Variants in APOBR observed in about 807,000 individuals in gnomAD.
APOBR encodes apoB-48R.
Under a neutral mutation model 88.5 loss-of-function variants are expected in APOBR, and 57 were observed. The ratio of observed to expected loss-of-function variants is 0.64; its 90% CI spans 0.52 to 0.80. APOBR has a LOEUF of 0.80. Among genes scored for constraint, APOBR ranks in the 30% least tolerant of loss-of-function variants. APOBR has a pLI of 0.00. For synonymous variants in APOBR, 588 were observed against 572.7 expected, an observed-to-expected ratio of 1.03 and a Z score of -0.38; for missense variants, 1,443 against 1,401.6, an observed-to-expected ratio of 1.03 and a Z score of -0.47.
In APOBR at chr16:28,495,301, A is replaced by G. The variant is rs369337303; in HGVS notation, c.260A>G (p.Asp87Gly). Residue 87 changes from aspartate (D) to glycine (G), a missense_variant, in exon 2 of 4, where the codon GAC (aspartate) becomes GGC (glycine). Physicochemically the swap from Asp to Gly is moderately conservative, Grantham distance 94. Coordinates refer to ENST00000564831, the MANE Select transcript of APOBR (RefSeq NM_018690.4). The part of the protein sequence containing the change: ...GAGRLRGPGD[D>G]RRHEVGSSAV... ...GGAAGGCTGAGAGGGCCTGGAGATG[A>G]CAGAAGACATGAAGTGGGGAGCTCA... 1 of 1,538,438 alleles carries G rather than the reference A, an allele frequency of 6.5e-7. No homozygotes were observed. The highest frequency in any genetic ancestry group is 8.7e-7 in the Non-Finnish European group (1 of 1,143,072).
At position 28,496,038 on chromosome 16, in the gene APOBR, G is replaced by GGA; in HGVS notation, c.999_1000dup (p.Gly334GlufsTer7). 1 of 1,581,330 alleles carries GGA rather than the reference G, an allele frequency of 6.3e-7. No individual in the cohort carries two copies. The highest frequency in any genetic ancestry group is 1.7e-5 in the Admixed American group (1 of 57,590). On this transcript the variant is annotated frameshift_variant, in exon 2 of 4. Transcript: ENST00000564831. LOFTEE classifies it high-confidence loss of function. ...CGGGGAGGAGGCCGGGACAGCCTCGGGAGGGGAGGAGGCCGGGATAGCCTC... is the reference window on the plus strand; with the variant it reads ...CGGGGAGGAGGCCGGGACAGCCTCGGGAGAGGGGAGGAGGCCGGGATAGCCTC...
In APOBR at chr16:28,495,454, C is replaced by A; in HGVS notation, c.413C>A (p.Ala138Asp). 6.4e-7 allele frequency: 1 copy of A among 1,561,202 alleles called. No individual in the cohort carries two copies. Among genetic ancestry groups the A allele is most frequent in the East Asian group, 2.4e-5 (1 of 41,660 alleles). The change falls in exon 2 of 4, where the codon GCC (alanine) becomes GAC (aspartate). Residue 138 changes from alanine (A) to aspartate (D), a missense_variant. By Grantham distance (126) the Ala-to-Asp change is moderately radical. Coordinates refer to ENST00000564831, the MANE Select transcript of APOBR (RefSeq NM_018690.4). Reference sequence around the variant, plus strand: ...CAGGAGCCAAGCGCCCACTTGGAGGCCAGAAAGAAATCCAAGGCAGGGTCT... The same window carrying A: ...CAGGAGCCAAGCGCCCACTTGGAGGACAGAAAGAAATCCAAGGCAGGGTCT... Reference protein sequence around the residue: ...RCQEPSAHLEARKKSKAGSGA... With the variant: ...RCQEPSAHLEDRKKSKAGSGA...
In APOBR at chr16:28,497,208, A is replaced by G; in HGVS notation, c.2167A>G (p.Arg723Gly). Reference sequence around the variant, plus strand: ...CCCGTCACTGGGAGAGGCCTATGCCAGAGAAACTGAGGATGAGGAGGCGGA... The same window carrying G: ...CCCGTCACTGGGAGAGGCCTATGCCGGAGAAACTGAGGATGAGGAGGCGGA... ...PCPSLGEAYA[R>G]ETEDEEAEAD... Residue 723 changes from arginine (R) to glycine (G), a missense_variant, in exon 2 of 4, where the codon AGA becomes GGA. Arg to Gly is a moderately radical substitution (Grantham distance 125). Coordinates refer to ENST00000564831, the MANE Select transcript of APOBR (RefSeq NM_018690.4). 4 of 1,595,246 alleles carry G rather than the reference A, an allele frequency of 2.5e-6. No individual in the cohort carries two copies. The highest frequency in any genetic ancestry group is 1.8e-5 in the Admixed American group (1 of 55,974).
chr16:28,496,106 G>A lies in APOBR; in HGVS notation c.1065G>A (p.Gly355=), dbSNP rs1265095363. Residue 355 remains glycine (G), a synonymous_variant, in exon 2 of 4, where the codon GGG becomes GGA. Transcript: ENST00000564831. The stretch of plus-strand genomic sequence containing the variant: ...CAGCCTCAGGAGGGGAGGAGGCCGG[G>A]ACAGCCTCAGGAGGGGAGGAGGCCG... ...AGTASGGEEA[G]TASGGEEAGT... is the part of the protein sequence containing the mutation. 1.3e-6 allele frequency: 2 copies of A among 1,518,582 alleles called. No homozygotes were observed. Among genetic ancestry groups the A allele is most frequent in the Non-Finnish European group, 1.8e-6 (2 of 1,133,146 alleles). The allele number at this position is 1,518,582 out of a possible 1,614,324, so 94.1% of individuals were successfully genotyped here.
Position 28,497,906 on chromosome 16 carries a change from T to C in APOBR, c.2865T>C (p.Pro955=). The C allele has an allele frequency of 6.2e-7, 1 of 1,613,404 alleles. No individual in the cohort carries two copies. Among genetic ancestry groups the C allele is most frequent in the Non-Finnish European group, 8.5e-7 (1 of 1,179,714 alleles). The stretch of plus-strand genomic sequence containing the variant: ...AGGAGCAGCCAACACACCAGGCCCC[T>C]GCAGAAGCTGCGCCGGAGTCAGTCG... ...GQEEQPTHQA[P]AEAAPESVGE... is the part of the protein sequence containing the mutation. The change falls in exon 2 of 4, where the codon CCT becomes CCC. Residue 955 remains proline, a synonymous_variant. Transcript: ENST00000564831.
rs778028761 is a variant in APOBR at position 28,495,079 on chromosome 16, C to T, written c.58-20C>T. The T allele has an allele frequency of 1.3e-5, 19 of 1,482,858 alleles. No homozygotes were observed. Among genetic ancestry groups the T allele is most frequent in the Non-Finnish European group, 1.7e-5 (19 of 1,116,820 alleles). 91.9% of individuals were successfully genotyped at this position (1,482,858 alleles called of 1,614,324 possible). A position where few individuals can be genotyped will look rare whatever the true frequency, so the allele number is the denominator to read the frequency against. ...GGACTCTCCTCAATGACTCTCCCCT[C>T]TCTCTCTCTTTTTTCCTAGGATTCC... On this transcript the variant is annotated intron_variant, in intron 1 of 3. Coordinates refer to ENST00000564831, the MANE Select transcript of APOBR (RefSeq NM_018690.4).
At position 28,496,868 on chromosome 16, in the gene APOBR, G is replaced by C. The variant is rs753512570; in HGVS notation, c.1827G>C (p.Ala609=). The part of the protein sequence containing the change: ...ERSLEAGPRH[A]GSVKPEASEA... The stretch of plus-strand genomic sequence containing the variant: ...GCCTGGAGGCAGGTCCCAGGCACGC[G>C]GGGTCTGTAAAGCCTGAGGCCTCCG... The change falls in exon 2 of 4, where the codon GCG becomes GCC. Residue 609 remains alanine (A), a synonymous_variant. Coordinates refer to ENST00000564831, the MANE Select transcript of APOBR (RefSeq NM_018690.4). 10 of 1,559,922 alleles carry C rather than the reference G, an allele frequency of 6.4e-6. No homozygotes were observed. The highest frequency in any genetic ancestry group is 8.7e-6 in the Non-Finnish European group (10 of 1,151,914).
In APOBR at chr16:28,494,728, G is replaced by A. The variant is rs528796656; in HGVS notation, c.47G>A (p.Arg16Lys). ...CTCCCTGGGCTGCACCAGGCCTTGA[G>A]GGGGGCACTGGTGAGAAGGGCAGAC... is the stretch of plus-strand genomic sequence containing the variant. ...LYLPGLHQAL[R>K]GALDSLGTFV... The change falls in exon 1 of 4, where the codon AGG (arginine) becomes AAG (lysine). Residue 16 changes from arginine to lysine, a missense_variant. By Grantham distance (26) the Arg-to-Lys change is conservative. Transcript: ENST00000564831. 3.7e-5 allele frequency: 59 copies of A among 1,611,092 alleles called. 1 individual carries two copies. In the Admixed American group the frequency reaches 9.9e-4, roughly 27 times the overall value.
chr16:28,496,540 G>A lies in APOBR; in HGVS notation c.1499G>A (p.Ser500Asn), dbSNP rs1432602273. Residue 500 changes from serine to asparagine, a missense_variant, in exon 2 of 4, where the codon AGC becomes AAC. Coordinates refer to ENST00000564831, the MANE Select transcript of APOBR (RefSeq NM_018690.4). The part of the protein sequence containing the change: ...QAEEAQEERG[S>N]SRDPVAELPS... Reference sequence around the variant, plus strand: ...GAGGAGGCCCAGGAGGAGAGAGGGAGCAGCAGGGATCCAGTGGCTGAGCTG... The same window carrying A: ...GAGGAGGCCCAGGAGGAGAGAGGGAACAGCAGGGATCCAGTGGCTGAGCTG... The A allele has an allele frequency of 1.3e-6, 2 of 1,569,682 alleles. No individual in the cohort carries two copies. The highest frequency in any genetic ancestry group is 1.4e-5 in the African/African-American group (1 of 73,632).
Position 28,495,638 on chromosome 16 carries a change from G to C in APOBR, c.597G>C (p.Glu199Asp), listed in dbSNP as rs760323934. The C allele has an allele frequency of 9.0e-6, 14 of 1,555,426 alleles. No individual in the cohort carries two copies. In the East Asian group the frequency reaches 2.2e-4, roughly 24 times the overall value. ...EPGMARGAES[E>D]WTWHGETEGK... ...GGATGGCCAGAGGGGCGGAGTCAGA[G>C]TGGACCTGGCATGGGGAGACGGAGG... Residue 199 changes from glutamate (E) to aspartate (D), a missense_variant, in exon 2 of 4, where the codon GAG becomes GAC. Transcript: ENST00000564831.
At position 28,495,222 on chromosome 16, in the gene APOBR, G is replaced by C. The variant is rs1266316214; in HGVS notation, c.181G>C (p.Glu61Gln). The change falls in exon 2 of 4, where the codon GAG becomes CAG. Residue 61 changes from glutamate to glutamine, a missense_variant. Coordinates refer to ENST00000564831, the MANE Select transcript of APOBR (RefSeq NM_018690.4). ...AVGKTGKIVE[E>Q]EAQEDLEGLR... Reference sequence around the variant, plus strand: ...GGGAAAGACAGGGAAGATTGTAGAGGAGGAAGCCCAGGAGGACCTGGAGGG... The same window carrying C: ...GGGAAAGACAGGGAAGATTGTAGAGCAGGAAGCCCAGGAGGACCTGGAGGG... 2 of 1,553,960 alleles carry C rather than the reference G, an allele frequency of 1.3e-6. No homozygotes were observed. Among genetic ancestry groups the C allele is most frequent in the East Asian group, 4.6e-5 (2 of 43,648 alleles).
chr16:28,498,216 GC>G lies in APOBR; in HGVS notation c.3096del (p.Asn1033ThrfsTer26). Reference protein sequence around the residue: ...PAWEQQEEPPAPNPPEEELSA... With the variant: ...PAWEQQEEPPXPNPPEEELSA... ...CTGGGAGCAGCAGGAGGAGCCCCCAGCCCCCAACCCTCCTGAGGAGGAGCTG... is the reference window on the plus strand; with the variant it reads ...CTGGGAGCAGCAGGAGGAGCCCCCAGCCCCAACCCTCCTGAGGAGGAGCTG... On this transcript the variant is annotated frameshift_variant, in exon 3 of 4. Transcript: ENST00000564831. LOFTEE classifies it high-confidence loss of function. 4 of 1,607,270 alleles carry G rather than the reference GC, an allele frequency of 2.5e-6. No individual in the cohort carries two copies. The highest frequency in any genetic ancestry group is 2.5e-6 in the Non-Finnish European group (3 of 1,178,550).
In APOBR at chr16:28,498,448, G is replaced by A. The variant is rs368617607; in HGVS notation, c.3237G>A (p.Ala1079=). 93 of 1,601,768 alleles carry A rather than the reference G, an allele frequency of 5.8e-5. No individual in the cohort carries two copies. The highest frequency in any genetic ancestry group is 3.3e-4 in the Middle Eastern group (2 of 6,070). Residue 1079 remains alanine, a synonymous_variant, in exon 4 of 4, where the codon GCG becomes GCA. Transcript: ENST00000564831. Reference sequence around the variant, plus strand: ...CTTCCGCCTCCAGGTTTGGCCTCGCGCACCCTGGCATGATGCAGGAGCTGC... The same window carrying A: ...CTTCCGCCTCCAGGTTTGGCCTCGCACACCCTGGCATGATGCAGGAGCTGC... ...RRPLGHGFGL[A]HPGMMQELQA... is the part of the protein sequence containing the mutation.
In APOBR at chr16:28,495,672, G is replaced by C. The variant is rs751598527; in HGVS notation, c.631G>C (p.Gly211Arg). The C allele has an allele frequency of 6.5e-7, 1 of 1,540,254 alleles. No individual in the cohort carries two copies. Among genetic ancestry groups the C allele is most frequent in the East Asian group, 2.4e-5 (1 of 41,118 alleles). The change falls in exon 2 of 4, where the codon GGT becomes CGT. Residue 211 changes from glycine (G) to arginine (R), a missense_variant. Gly to Arg is a moderately radical substitution (Grantham distance 125). Transcript: ENST00000564831. ...TWHGETEGKAGAVGPKAAGDN... is the reference protein window; with the variant it reads ...TWHGETEGKARAVGPKAAGDN... ...GCATGGGGAGACGGAGGGGAAGGCT[G>C]GTGCTGTTGGGCCAAAGGCGGCAGG...
At position 28,497,223 on chromosome 16, in the gene APOBR, G is replaced by A. The variant is rs2046400451; in HGVS notation, c.2182G>A (p.Glu728Lys). 6.3e-7 allele frequency: 1 copy of A among 1,591,912 alleles called. No individual in the cohort carries two copies. Among genetic ancestry groups the A allele is most frequent in the African/African-American group, 1.3e-5 (1 of 74,520 alleles). ...GEAYARETED[E>K]EAEADRTSRR... ...GGCCTATGCCAGAGAAACTGAGGAT[G>A]AGGAGGCGGAGGCTGACAGAACATC... is the stretch of plus-strand genomic sequence containing the variant. The change falls in exon 2 of 4, where the codon GAG becomes AAG. Residue 728 changes from glutamate to lysine, a missense_variant. Coordinates refer to ENST00000564831, the MANE Select transcript of APOBR (RefSeq NM_018690.4).
rs550088268 is a variant in APOBR, at chr16:28,497,931, G to T, written c.2890G>T (p.Gly964Trp). Residue 964 changes from glycine (G) to tryptophan (W), a missense_variant, in exon 2 of 4, where the codon GGG becomes TGG. By Grantham distance (184) the Gly-to-Trp change is radical. Transcript: ENST00000564831. ...TGCAGAAGCTGCGCCGGAGTCAGTC[G>T]GGGAAGCCGAGACGGCTGAGGCCAT... ...APAEAAPESVGEAETAEAMGS... is the reference protein window; with the variant it reads ...APAEAAPESVWEAETAEAMGS... 6.2e-7 allele frequency: 1 copy of T among 1,613,510 alleles called. No individual in the cohort carries two copies. Among genetic ancestry groups the T allele is most frequent in the Non-Finnish European group, 8.5e-7 (1 of 1,179,718 alleles).
Position 28,498,448 on chromosome 16 carries a change from G to T in APOBR, c.3237G>T (p.Ala1079=). The T allele has an allele frequency of 6.2e-7, 1 of 1,601,890 alleles. No individual in the cohort carries two copies. ...CTTCCGCCTCCAGGTTTGGCCTCGC[G>T]CACCCTGGCATGATGCAGGAGCTGC... ...RRPLGHGFGL[A]HPGMMQELQA... Residue 1079 remains alanine (A), a synonymous_variant, in exon 4 of 4, where the codon GCG becomes GCT. Coordinates refer to ENST00000564831, the MANE Select transcript of APOBR (RefSeq NM_018690.4).
At position 28,498,930 on chromosome 16, in the gene APOBR, T is replaced by G. The variant is rs766792539; in HGVS notation, c.*425T>G. 2.1e-6 allele frequency: 1 copy of G among 471,494 alleles called. No homozygotes were observed. Among genetic ancestry groups the G allele is most frequent in the African/African-American group, 2.0e-5 (1 of 50,478 alleles). 29.2% of individuals were successfully genotyped at this position (471,494 alleles called of 1,614,324 possible). A position where few individuals can be genotyped will look rare whatever the true frequency, so the allele number is the denominator to read the frequency against. ...AGATCCCCATCTTTTAAAAACAAAA[T>G]AAAACAATAAAGACTGCAAGGAAGA... On this transcript the variant is annotated 3_prime_UTR_variant, in exon 4 of 4. Transcript: ENST00000564831.
rs746399731 is a variant in APOBR at position 28,497,900 on chromosome 16, G to T, written c.2859G>T (p.Gln953His). The change falls in exon 2 of 4, where the codon CAG becomes CAT. Residue 953 changes from glutamine to histidine, a missense_variant. By Grantham distance (24) the Gln-to-His change is conservative. Transcript: ENST00000564831. ...GCCAGGAGGAGCAGCCAACACACCA[G>T]GCCCCTGCAGAAGCTGCGCCGGAGT... ...VRGQEEQPTHQAPAEAAPESV... is the reference protein window; with the variant it reads ...VRGQEEQPTHHAPAEAAPESV... The T allele has an allele frequency of 6.2e-7, 1 of 1,613,604 alleles. No individual in the cohort carries two copies. Among genetic ancestry groups the T allele is most frequent in the Non-Finnish European group, 8.5e-7 (1 of 1,179,752 alleles).
Sources: allele counts gnomAD v4.1 joint callset, GRCh38; gene constraint gnomAD v4.1.1; transcripts MANE v1.5; gene names NCBI Gene and HGNC (gene_info 2026-07-23, HGNC 2026-07-21).